Variants in SIPA1L1 observed in about 807,000 individuals in gnomAD.
The protein encoded by SIPA1L1 is signal induced proliferation associated 1 like 1.
In SIPA1L1, 26 loss-of-function variants were observed where a neutral mutation model predicts 162.7. That is an observed-to-expected ratio of 0.16 (90% CI 0.12 to 0.22). The LOEUF is 0.22. Ranked by LOEUF, SIPA1L1 falls within the 10% of genes least tolerant of loss-of-function variation. SIPA1L1 has a pLI of 1.00. For missense variants in SIPA1L1, 1,874 were observed against 2,241.0 expected, an observed-to-expected ratio of 0.84 and a Z score of 3.31; for synonymous variants, 829 against 837.4, an observed-to-expected ratio of 0.99 and a Z score of 0.17.
intron 2 of SIPA1L1, among the ~76,000 whole-genome samples, chr14:71,354,930 C>T (rs1415932006): frequency 6.6e-6 from 1 of 152,140 alleles, no homozygotes; most frequent in Non-Finnish European, 1.5e-5. Context: ...GGAGAGCTTG[C>T]TGAGTGCCTG....
intron 13 of SIPA1L1, among the ~76,000 whole-genome samples, chr14:71,687,872 C>T (rs755692860): frequency 9.2e-5 from 14 of 152,082 alleles, no homozygotes; most frequent in Non-Finnish European, 1.6e-4. Context: ...GTGGGGCTGA[C>T]GAGGTTTTCA....
At chr14:71,425,440 T>C (rs1166677945) in intron 2 of SIPA1L1, among the ~76,000 whole-genome samples, 1 of 152,148 alleles carries the variant, frequency 6.6e-6, no homozygotes, top group Non-Finnish European at 1.5e-5. Context: ...TTAAGTATTT[T>C]CTAATTTCCC....
At chr14:71,449,971 T>G (rs1474995346) in intron 2 of SIPA1L1, among the ~76,000 whole-genome samples, 2 of 152,214 alleles carry the variant, frequency 1.3e-5, no homozygotes, top group African/African-American at 2.4e-5. Flanking sequence ...ACAGGAACTG[T>G]CTTTTTCTCA....
chr14:71,498,995 G>T (rs2049997227), intron 2 of SIPA1L1, among the ~76,000 whole-genome samples: 1 of 152,032 alleles, frequency 6.6e-6, no homozygotes, highest in South Asian at 2.1e-4. Context: ...TTCTTCAAAT[G>T]ATAGGGTTTA....
At chr14:71,617,678 A>G (rs1266171625) in intron 5 of SIPA1L1, among the ~76,000 whole-genome samples, 1 of 152,178 alleles carries the variant, frequency 6.6e-6, no homozygotes, top group African/African-American at 2.4e-5. Flanking sequence ...TCAAATACTT[A>G]TATTTTGTAT....
intron 19 of SIPA1L1, among the ~76,000 whole-genome samples, chr14:71,726,108 C>G (rs2084221132): frequency 6.6e-6 from 1 of 152,168 alleles, no homozygotes; most frequent in Admixed American, 6.5e-5. Flanking sequence ...TTCATAGGAA[C>G]TGAATGTACC....
chr14:71,441,964 G>C (rs1323330868), intron 2 of SIPA1L1, among the ~76,000 whole-genome samples: 1 of 151,964 alleles, frequency 6.6e-6, no homozygotes, highest in Non-Finnish European at 1.5e-5. Context: ...CTGAGGTCAG[G>C]AGTTCGAGAC....
chr14:71,668,528 T>C (rs1342816178), intron 10 of SIPA1L1, among the ~76,000 whole-genome samples: 1 of 152,214 alleles, frequency 6.6e-6, no homozygotes, highest in Non-Finnish European at 1.5e-5. Flanking sequence ...TGAGAAGATA[T>C]TTTTATATGA....
At chr14:71,571,531 T>C (rs1461324338) in intron 4 of SIPA1L1, among the ~76,000 whole-genome samples, 1 of 152,206 alleles carries the variant, frequency 6.6e-6, no homozygotes, top group Non-Finnish European at 1.5e-5. Flanking sequence ...TATTTTGGGC[T>C]GCTCAGTTCC....
chr14:71,637,902 C>A (rs1414838462), intron 7 of SIPA1L1, among the ~76,000 whole-genome samples: 1 of 151,992 alleles, frequency 6.6e-6, no homozygotes, highest in East Asian at 1.9e-4. Flanking sequence ...ACCACCAACG[C>A]CCCCAATAGC....
chr14:71,514,109 C>T (rs2051458278), intron 3 of SIPA1L1, among the ~76,000 whole-genome samples: 1 of 152,114 alleles, frequency 6.6e-6, no homozygotes, highest in African/African-American at 2.4e-5. Flanking sequence ...AGCTTTAGAG[C>T]AGGAACAAAA....
At chr14:71,657,740 C>G (rs2043187661) in intron 8 of SIPA1L1, among the ~76,000 whole-genome samples, 1 of 150,918 alleles carries the variant, frequency 6.6e-6, no homozygotes, top group African/African-American at 2.4e-5. Context: ...AAAAATGTTT[C>G]CTAACTTGAT....
At chr14:71,610,777 T>G (rs997640598) in intron 5 of SIPA1L1, among the ~76,000 whole-genome samples, 6 of 152,234 alleles carry the variant, frequency 3.9e-5, no homozygotes, top group African/African-American at 1.4e-4. Flanking sequence ...AAAGTTTGCC[T>G]TTTACTGAAA....
At chr14:71,706,726 A>G (rs1371007026) in intron 16 of SIPA1L1, among the ~76,000 whole-genome samples, 1 of 152,184 alleles carries the variant, frequency 6.6e-6, no homozygotes, top group African/African-American at 2.4e-5. Context: ...AGGGGAAGAG[A>G]TGTTTCACTT....
At chr14:71,678,894 T>TA (rs764071926) in intron 12 of SIPA1L1, among the ~76,000 whole-genome samples, 61 of 149,536 alleles carry the variant, frequency 4.1e-4, no homozygotes, top group South Asian at 8.6e-4. Flanking sequence ...GAAAAAAGAG[T>TA]AAAAAAAAAT....
intron 22 of SIPA1L1, 77 bp from the exon 23 acceptor site, chr14:71,738,161 TAAA>T (rs34549978): frequency 0.079 from 28,028 of 355,354 alleles, no homozygotes; most frequent in East Asian, 0.1. Flanking sequence ...CTCCTCAGAG[TAAA>T]AAAAAAAAAA....
chr14:71,729,277 C>T (rs1435433202), intron 19 of SIPA1L1, among the ~76,000 whole-genome samples: 3 of 152,184 alleles, frequency 2.0e-5, no homozygotes, highest in Non-Finnish European at 4.4e-5. Flanking sequence ...CTCAAGTGAT[C>T]TGCCCACCTC....
intron 12 of SIPA1L1, among the ~76,000 whole-genome samples, chr14:71,681,655 T>G (rs1297577776): frequency 1.3e-5 from 2 of 152,174 alleles, no homozygotes; most frequent in Non-Finnish European, 2.9e-5. Context: ...AAATAATTTA[T>G]GTGTTTTTTT....
At chr14:71,543,823 A>G (rs545200520) in intron 4 of SIPA1L1, among the ~76,000 whole-genome samples, 4 of 148,738 alleles carry the variant, frequency 2.7e-5, no homozygotes, top group African/African-American at 9.9e-5. Context: ...ATGTATGTGT[A>G]TATATACATA....
Sources: gnomAD v4.1 joint callset for allele counts (sites outside exome capture counted in the v4.1 genomes callset) on GRCh38, gnomAD v4.1.1 for gene constraint, MANE v1.5 for transcripts, NCBI Gene and HGNC (gene_info 2026-07-23, HGNC 2026-07-21) for gene names.